The following CEACAM6 variants were observed in gnomAD, a reference collection of about 807,000 sequenced individuals.
CEACAM6 encodes the protein CEA cell adhesion molecule 6, also known as cell adhesion molecule CEACAM6.
A neutral mutation model predicts 32.4 loss-of-function variants in CEACAM6; 21 were observed. The ratio of observed to expected loss-of-function variants is 0.65; its 90% CI spans 0.46 to 0.93. The LOEUF is 0.93. Ranked by LOEUF, CEACAM6 falls within the 40% of genes least tolerant of loss-of-function variation. CEACAM6 has a pLI of 0.00. For synonymous variants in CEACAM6, 184 were observed against 174.4 expected, an observed-to-expected ratio of 1.06 and a Z score of -0.43; for missense variants, 406 against 432.2, an observed-to-expected ratio of 0.94 and a Z score of 0.54.
At chr19:41,766,326 T>A (rs531389716) in intron 5 of CEACAM6, 27 bp downstream of exon 5, 106 of 1,240,490 alleles carry the variant, frequency 8.5e-5, no homozygotes, top group Admixed American at 2.0e-4. Context: ...TCTTGCCATG[T>A]TTCCTGCAGG....
In CEACAM6 at chr19:41,761,328, A is replaced by G. The variant is rs200014119; in HGVS notation, c.504A>G (p.Glu168=). The part of the protein sequence containing the change: ...EDKDAVAFTC[E]PEVQNTTYLW... ...AGGATGCTGTGGCCTTCACCTGTGA[A>G]CCTGAGGTTCAGAACACAACCTACC... The change falls in exon 3 of 6, where the codon GAA becomes GAG. Residue 168 remains glutamate, a synonymous_variant. Transcript: ENST00000199764. 4 of 1,614,128 alleles carry G rather than the reference A, an allele frequency of 2.5e-6. No individual in the cohort carries two copies. Among genetic ancestry groups the G allele is most frequent in the Non-Finnish European group, 3.4e-6 (4 of 1,180,012 alleles).
rs146596628 is a variant in CEACAM6 at position 41,766,773 on chromosome 19, G to A, written c.*40+474G>A. On this transcript the variant is annotated intron_variant, in intron 5 of 5. Coordinates refer to ENST00000199764, the MANE Select transcript of CEACAM6 (RefSeq NM_002483.7). ...TGTAATCCCAGCCCCTTGGGAGGCC[G>A]AGGTGGGCGGATCATGAGGTCAGGA... Among the ~76,000 whole-genome samples the A allele has an allele frequency of 5.4e-3, 819 of 152,228 alleles. 5 individuals are homozygous for A. Among genetic ancestry groups the A allele is most frequent in the African/African-American group, 0.018 (761 of 41,514 alleles).
chr19:41,764,941 T>C (rs1470664589), intron 4 of CEACAM6, among the ~76,000 whole-genome samples: 1 of 152,226 alleles, frequency 6.6e-6, no homozygotes, highest in African/African-American at 2.4e-5. Context: ...ATAATTCTCA[T>C]CACTAAGAAA....
At chr19:41,770,063 G>T (rs147737774) in intron 5 of CEACAM6, among the ~76,000 whole-genome samples, 99 of 151,504 alleles carry the variant, frequency 6.5e-4, no homozygotes, top group African/African-American at 2.3e-3. Flanking sequence ...ATGTCAAGAG[G>T]TTTCTAAAAG....
At position 41,762,113 on chromosome 19, in the gene CEACAM6, A is replaced by C; in HGVS notation, c.848A>C (p.Glu283Ala). Residue 283 changes from glutamate to alanine, a missense_variant, in exon 4 of 6, where the codon GAG (glutamate) becomes GCG (alanine). Transcript: ENST00000199764. ...GGGACGTTCCAGCAATCCACACAAG[A>C]GCTCTTTATCCCCAACATCACTGTG... is the stretch of plus-strand genomic sequence containing the variant. ...INGTFQQSTQ[E>A]LFIPNITVNN... The C allele has an allele frequency of 6.2e-7, 1 of 1,614,108 alleles. No individual in the cohort carries two copies. The highest frequency in any genetic ancestry group is 8.5e-7 in the Non-Finnish European group (1 of 1,180,030).
At chr19:41,770,563 A>G (rs1555822893) in intron 5 of CEACAM6, among the ~76,000 whole-genome samples, 1 of 152,108 alleles carries the variant, frequency 6.6e-6, no homozygotes, top group Non-Finnish European at 1.5e-5. Flanking sequence ...ACTCTGTCTC[A>G]AAAGGAAAAA....
chr19:41,764,815 G>T (rs1200280162), intron 4 of CEACAM6, among the ~76,000 whole-genome samples: 2 of 152,012 alleles, frequency 1.3e-5, no homozygotes, highest in African/African-American at 4.8e-5. Flanking sequence ...TCCTGAATTT[G>T]TAAAGTTAGG....
At chr19:41,762,805 G>A (rs963472167) in intron 4 of CEACAM6, among the ~76,000 whole-genome samples, 15 of 152,318 alleles carry the variant, frequency 9.8e-5, no homozygotes, top group African/African-American at 3.6e-4. Flanking sequence ...GTGCCCAGGT[G>A]TCTGTCCTGA....
At position 41,761,488 on chromosome 19, in the gene CEACAM6, A is replaced by G. The variant is rs781930019; in HGVS notation, c.664A>G (p.Ser222Gly). 6.2e-7 allele frequency: 1 copy of G among 1,614,106 alleles called. No homozygotes were observed. Among genetic ancestry groups the G allele is most frequent in the African/African-American group, 1.3e-5 (1 of 74,930 alleles). Reference protein sequence around the residue: ...SYECEIQNPASANRSDPVTLN... With the variant: ...SYECEIQNPAGANRSDPVTLN... ...TGAATGTGAAATACAGAACCCAGCG[A>G]GTGCCAACCGCAGTGACCCAGTCAC... Residue 222 changes from serine (S) to glycine (G), a missense_variant, in exon 3 of 6, where the codon AGT (serine) becomes GGT (glycine). Ser to Gly is a moderately conservative substitution (Grantham distance 56). Transcript: ENST00000199764.
In CEACAM6 at chr19:41,755,531, C is replaced by G. The variant is rs1156494433; in HGVS notation, c.-108C>G. 6 of 1,054,310 alleles carry G rather than the reference C, an allele frequency of 5.7e-6. No individual in the cohort carries two copies. The highest frequency in any genetic ancestry group is 8.7e-6 in the Non-Finnish European group (6 of 689,196). 65.3% of individuals were successfully genotyped at this position (1,054,310 alleles called of 1,614,324 possible). A position where few individuals can be genotyped will look rare whatever the true frequency, so the allele number is the denominator to read the frequency against. On this transcript the variant is annotated 5_prime_UTR_variant, in exon 1 of 6. Coordinates refer to ENST00000199764, the MANE Select transcript of CEACAM6 (RefSeq NM_002483.7). Reference sequence around the variant, plus strand: ...TCTATCCCTGAGAGGAGGCTCAGCACAGAAGGAGGAAGGACAGCAGGGCCA... The same window carrying G: ...TCTATCCCTGAGAGGAGGCTCAGCAGAGAAGGAGGAAGGACAGCAGGGCCA...
chr19:41,768,082 T>C (rs1016579915), intron 5 of CEACAM6, among the ~76,000 whole-genome samples: 2 of 151,814 alleles, frequency 1.3e-5, no homozygotes, highest in East Asian at 1.9e-4. Context: ...TTTTTATTTT[T>C]ATTTATTTTT....
chr19:41,769,405 T>C (rs1181836677), intron 5 of CEACAM6, among the ~76,000 whole-genome samples: 4 of 152,166 alleles, frequency 2.6e-5, no homozygotes, highest in African/African-American at 9.7e-5. Flanking sequence ...TATTTAAGAA[T>C]TTCCAAAATT....
In CEACAM6 at chr19:41,761,991, T is replaced by G. The variant is rs782444375; in HGVS notation, c.726T>G (p.Ile242Met). The G allele has an allele frequency of 1.2e-6, 2 of 1,614,058 alleles. No homozygotes were observed. Among genetic ancestry groups the G allele is most frequent in the South Asian group, 2.2e-5 (2 of 91,076 alleles). ...NVLYGPDVPTISPSKANYRPG... is the reference protein window; with the variant it reads ...NVLYGPDVPTMSPSKANYRPG... ...CAGATGGCCCAGATGTCCCCACCATTTCCCCCTCAAAGGCCAATTACCGTC... is the reference window on the plus strand; with the variant it reads ...CAGATGGCCCAGATGTCCCCACCATGTCCCCCTCAAAGGCCAATTACCGTC... The change falls in exon 4 of 6, where the codon ATT (isoleucine) becomes ATG (methionine). Residue 242 changes from isoleucine to methionine, a missense_variant. By Grantham distance (10) the Ile-to-Met change is conservative (BLOSUM62 1). Coordinates refer to ENST00000199764, the MANE Select transcript of CEACAM6 (RefSeq NM_002483.7).
Position 41,766,197 on chromosome 19 carries a change from C to G in CEACAM6, c.973C>G (p.Leu325Val). The G allele has an allele frequency of 7.5e-6, 12 of 1,607,644 alleles. No homozygotes were observed. Among genetic ancestry groups the G allele is most frequent in the Non-Finnish European group, 9.3e-6 (11 of 1,177,338 alleles). ...CTTCCCACAAGGAAGTGCTCCTGTC[C>G]TCTCAGCTGTGGCCACCGTCGGCAT... ...MITVSGSAPV[L>V]SAVATVGITI... Residue 325 changes from leucine to valine, a missense_variant, in exon 5 of 6, where the codon CTC (leucine) becomes GTC (valine). Coordinates refer to ENST00000199764, the MANE Select transcript of CEACAM6 (RefSeq NM_002483.7).
chr19:41,758,101 CAG>C (rs2122908523), intron 2 of CEACAM6: 1 of 152,316 alleles, frequency 6.6e-6, no homozygotes, highest in South Asian at 2.1e-4. Context: ...AAGAAGCAAA[CAG>C]AGAATTAATC....
intron 2 of CEACAM6, among the ~76,000 whole-genome samples, chr19:41,758,865 G>A (rs1370188975): frequency 1.2e-4 from 19 of 152,138 alleles, no homozygotes; most frequent in African/African-American, 2.9e-4. Context: ...CGGAGCAGCC[G>A]CCCCTGCCGG....
intron 4 of CEACAM6, 130 bp downstream of exon 4, chr19:41,762,353 A>G: frequency 9.6e-7 from 1 of 1,039,852 alleles, no homozygotes; most frequent in East Asian, 2.5e-5. Context: ...TTCTCCCCTG[A>G]ACCCTCCCAA....
intron 5 of CEACAM6, among the ~76,000 whole-genome samples, chr19:41,770,368 A>G (rs1221464599): frequency 1.3e-5 from 2 of 151,780 alleles, no homozygotes; most frequent in Non-Finnish European, 2.9e-5. Flanking sequence ...GGCTGCAGTG[A>G]GCTGCGCTCC....
Position 41,762,846 on chromosome 19 carries a change from C to A in CEACAM6, c.958+623C>A, listed in dbSNP as rs1461127029. On this transcript the variant is annotated intron_variant, in intron 4 of 5. Coordinates refer to ENST00000199764, the MANE Select transcript of CEACAM6 (RefSeq NM_002483.7). ...GCTAAATCAAGATGCTAATCAACAC[C>A]AAAGCCTCCCCTGGATCAGGCCGCA... Among the ~76,000 whole-genome samples the A allele has an allele frequency of 2.6e-5, 4 of 152,132 alleles. No homozygotes were observed. In the East Asian group the frequency reaches 5.8e-4, roughly 22 times the overall value.
Sources: allele counts gnomAD v4.1 joint callset (sites outside exome capture counted in the v4.1 genomes callset), GRCh38; gene constraint gnomAD v4.1.1; transcripts MANE v1.5; gene names NCBI Gene and HGNC (gene_info 2026-07-23, HGNC 2026-07-21).